The following MARCHF4 variants were observed in gnomAD, a reference collection of about 807,000 sequenced individuals.
The protein encoded by MARCHF4 is E3 ubiquitin-protein ligase MARCHF4.
A neutral mutation model predicts 43.9 loss-of-function variants in MARCHF4; 14 were observed. The observed-to-expected ratio is 0.32, with a 90% CI of 0.21 to 0.50. The LOEUF (loss-of-function observed/expected upper bound fraction) is 0.50, where lower values mean the gene tolerates loss of function less well. Ranked by LOEUF, MARCHF4 falls within the 20% of genes least tolerant of loss-of-function variation. MARCHF4 has a pLI of 0.98. For missense variants in MARCHF4, 468 were observed against 536.7 expected, an observed-to-expected ratio of 0.87 and a Z score of 1.27; for synonymous variants, 226 against 213.3, an observed-to-expected ratio of 1.06 and a Z score of -0.52.
At chr2:216,300,429 G>A (rs113711297) in intron 1 of MARCHF4, among the ~76,000 whole-genome samples, 1 of 149,240 alleles carries the variant, frequency 6.7e-6, no homozygotes, top group African/African-American at 2.5e-5. Flanking sequence ...CTGCAGCCTC[G>A]ACCTCCCAGG....
chr2:216,356,372 C>T (rs577170855), intron 1 of MARCHF4, among the ~76,000 whole-genome samples: 5 of 152,268 alleles, frequency 3.3e-5, no homozygotes, highest in East Asian at 3.9e-4. Context: ...TTTGGACAGA[C>T]GGGGAAGGAA....
intron 1 of MARCHF4, among the ~76,000 whole-genome samples, chr2:216,344,677 T>C (rs921161248): frequency 1.1e-4 from 17 of 151,820 alleles, no homozygotes; most frequent in Non-Finnish European, 1.8e-4. Flanking sequence ...GGAAGCAAGA[T>C]TGGAAAATAG....
chr2:216,294,987 C>T (rs1358633183), intron 1 of MARCHF4, among the ~76,000 whole-genome samples: 1 of 152,226 alleles, frequency 6.6e-6, no homozygotes, highest in Non-Finnish European at 1.5e-5. Context: ...TGCAGCTATA[C>T]CGCTTTGCCA....
chr2:216,272,470 TCCCCAA>T (rs1027537821), intron 3 of MARCHF4, among the ~76,000 whole-genome samples: 3 of 152,108 alleles, frequency 2.0e-5, no homozygotes, highest in African/African-American at 7.2e-5. Flanking sequence ...CCAACCTGCC[TCCCCAA>T]CCAAGCTCTG....
chr2:216,353,238 A>G (rs977064315), intron 1 of MARCHF4, among the ~76,000 whole-genome samples: 1 of 152,252 alleles, frequency 6.6e-6, no homozygotes, highest in Non-Finnish European at 1.5e-5. Context: ...AATAAAACTT[A>G]CAGGGGTTAG....
intron 1 of MARCHF4, among the ~76,000 whole-genome samples, chr2:216,336,116 A>G (rs1692154510): frequency 1.3e-5 from 2 of 151,682 alleles, no homozygotes; most frequent in Non-Finnish European, 2.9e-5. Flanking sequence ...GTAACAAGTC[A>G]ATTGGTTATT....
intron 3 of MARCHF4, among the ~76,000 whole-genome samples, chr2:216,262,326 C>T (rs1458926296): frequency 5.9e-5 from 9 of 152,178 alleles, no homozygotes; most frequent in Non-Finnish European, 2.9e-5. Flanking sequence ...AAACTGCTTG[C>T]TCAGGTGCAC....
intron 1 of MARCHF4, among the ~76,000 whole-genome samples, chr2:216,304,498 C>T (rs547156272): frequency 7.9e-5 from 12 of 152,280 alleles, no homozygotes; most frequent in Admixed American, 6.5e-4. Context: ...AATGGTTTCC[C>T]TCAGGCCAAA....
At chr2:216,366,259 C>T (rs893747636) in intron 1 of MARCHF4, among the ~76,000 whole-genome samples, 2 of 152,196 alleles carry the variant, frequency 1.3e-5, no homozygotes, top group Admixed American at 6.5e-5. Flanking sequence ...AGGCCTCCAA[C>T]TGGGTCCATC....
At chr2:216,309,921 T>C (rs1210998389) in intron 1 of MARCHF4, among the ~76,000 whole-genome samples, 1 of 152,176 alleles carries the variant, frequency 6.6e-6, no homozygotes, top group African/African-American at 2.4e-5. Context: ...TTTCCCTGAT[T>C]CCGAAGCCCA....
At chr2:216,335,895 C>T (rs1456461681) in intron 1 of MARCHF4, among the ~76,000 whole-genome samples, 6 of 151,650 alleles carry the variant, frequency 4.0e-5, no homozygotes, top group Non-Finnish European at 7.4e-5. Context: ...TGTTGAAACC[C>T]CATCTCTACT....
chr2:216,354,254 T>A (rs1368832636), intron 1 of MARCHF4, among the ~76,000 whole-genome samples: 1 of 152,222 alleles, frequency 6.6e-6, no homozygotes, highest in Non-Finnish European at 1.5e-5. Flanking sequence ...AGGATTAGGC[T>A]GAGTAGGAAG....
intron 1 of MARCHF4, among the ~76,000 whole-genome samples, chr2:216,340,675 G>A (rs997468212): frequency 1.3e-5 from 2 of 152,196 alleles, no homozygotes; most frequent in Admixed American, 1.3e-4. Flanking sequence ...AAAGGGAAAG[G>A]AAGTGGTCCC....
At chr2:216,345,542 G>GAAT (rs1692306644) in intron 1 of MARCHF4, among the ~76,000 whole-genome samples, 2 of 152,058 alleles carry the variant, frequency 1.3e-5, no homozygotes, top group Admixed American at 6.5e-5. Flanking sequence ...CTGCACATTG[G>GAAT]AATAACCTAG....
rs543575941 is a variant in MARCHF4, at chr2:216,274,721, C to G, written c.865+2951G>C. 4.6e-5 allele frequency among the ~76,000 whole-genome samples: 7 copies of G among 152,338 alleles called. No individual in the cohort carries two copies. In the South Asian group the frequency reaches 1.5e-3, roughly 32 times the overall value. ...TTCTCCTAGCATTTTCCCCTGTGGACAGCCTTTCCTATGAAAACCCTGAAC... is the reference window on the plus strand; with the variant it reads ...TTCTCCTAGCATTTTCCCCTGTGGAGAGCCTTTCCTATGAAAACCCTGAAC... On this transcript the variant is annotated intron_variant, in intron 3 of 3. Transcript: ENST00000273067.
At chr2:216,363,424 C>T (rs540375277) in intron 1 of MARCHF4, among the ~76,000 whole-genome samples, 2 of 152,208 alleles carry the variant, frequency 1.3e-5, no homozygotes, top group African/African-American at 4.8e-5. Flanking sequence ...CGTGCTTATG[C>T]GTGAGCAAGT....
intron 1 of MARCHF4, among the ~76,000 whole-genome samples, chr2:216,338,104 A>G (rs1184060138): frequency 6.6e-6 from 1 of 152,190 alleles, no homozygotes; most frequent in Non-Finnish European, 1.5e-5. Flanking sequence ...ATTGGCTATG[A>G]CCAGGCCCTG....
intron 1 of MARCHF4, among the ~76,000 whole-genome samples, chr2:216,360,003 C>G (rs1692552297): frequency 6.6e-6 from 1 of 152,134 alleles, no homozygotes; most frequent in Non-Finnish European, 1.5e-5. Context: ...GGACACATTT[C>G]TTCTCCCCAC....
At chr2:216,362,216 C>T (rs1457740151) in intron 1 of MARCHF4, among the ~76,000 whole-genome samples, 1 of 152,148 alleles carries the variant, frequency 6.6e-6, no homozygotes, top group Non-Finnish European at 1.5e-5. Flanking sequence ...ATTATAGAAA[C>T]AGAAAATGAG....
Sources: gnomAD v4.1 joint callset for allele counts (sites outside exome capture counted in the v4.1 genomes callset) on GRCh38, gnomAD v4.1.1 for gene constraint, MANE v1.5 for transcripts, NCBI Gene and HGNC (gene_info 2026-07-23, HGNC 2026-07-21) for gene names.